FRMD6: variants seen among roughly 807,000 people sequenced by gnomAD.
FRMD6 encodes the protein FERM domain containing 6.
A neutral mutation model predicts 73.2 loss-of-function variants in FRMD6; 37 were observed. The ratio of observed to expected loss-of-function variants is 0.51; its 90% CI spans 0.39 to 0.66. FRMD6 has a LOEUF of 0.66. Among genes scored for constraint, FRMD6 ranks in the 30% least tolerant of loss-of-function variants. The pLI is 0.00. For missense variants in FRMD6, 714 were observed against 780.5 expected (o/e 0.91, Z 1.02); for synonymous variants, 273 against 282.2 (o/e 0.97, Z 0.33).
At chr14:51,690,721 G>C (rs1285686278) in intron 2 of FRMD6, among the ~76,000 whole-genome samples, 1 of 152,104 alleles carries the variant, frequency 6.6e-6, no homozygotes, top group African/African-American at 2.4e-5. Flanking sequence ...TTTATCTTAA[G>C]AGTAGCCAAA....
intron 3 of FRMD6, among the ~76,000 whole-genome samples, chr14:51,700,710 T>A (rs1896255469): frequency 6.6e-6 from 1 of 152,004 alleles, no homozygotes; most frequent in Non-Finnish European, 1.5e-5. Flanking sequence ...AACAAAAGCA[T>A]GTTTTCCTAA....
chr14:51,529,426 T>C (rs1182468108), intron 1 of FRMD6, among the ~76,000 whole-genome samples: 1 of 152,346 alleles, frequency 6.6e-6, no homozygotes, highest in East Asian at 1.9e-4. Context: ...TACAGAAGTG[T>C]TTGCTAATTA....
At chr14:51,661,268 G>T (rs1302459824) in intron 1 of FRMD6, among the ~76,000 whole-genome samples, 1 of 152,158 alleles carries the variant, frequency 6.6e-6, no homozygotes, top group South Asian at 2.1e-4. Context: ...AAGCCTTGGG[G>T]CATATCAGTA....
chr14:51,622,221 G>A (rs1199402714), intron 2 of FRMD6, among the ~76,000 whole-genome samples: 2 of 152,178 alleles, frequency 1.3e-5, no homozygotes, highest in East Asian at 3.9e-4. Context: ...AGAACATCTT[G>A]TAACTCAGCT....
At chr14:51,524,294 A>G (rs1413183781) in intron 1 of FRMD6, among the ~76,000 whole-genome samples, 4 of 152,114 alleles carry the variant, frequency 2.6e-5, no homozygotes, top group Non-Finnish European at 5.9e-5. Context: ...AGATTTTAAA[A>G]TATAATATAT....
chr14:51,516,573 A>G (rs369512140), intron 1 of FRMD6, among the ~76,000 whole-genome samples: 2 of 152,168 alleles, frequency 1.3e-5, no homozygotes, highest in Non-Finnish European at 2.9e-5. Context: ...TCTAGCTGCC[A>G]TTTGTCTATA....
the FRMD6 span, among the ~76,000 whole-genome samples, chr14:51,416,816 G>T: frequency 6.6e-6 from 1 of 152,178 alleles, no homozygotes; most frequent in African/African-American, 2.4e-5. Flanking sequence ...CTAAGGACTT[G>T]CTTTATGAAT....
chr14:51,679,339 A>G (rs955719029), intron 1 of FRMD6, among the ~76,000 whole-genome samples: 1 of 150,892 alleles, frequency 6.6e-6, no homozygotes, highest in Non-Finnish European at 1.5e-5. Flanking sequence ...AATGCATACT[A>G]TATATGTATG....
chr14:51,716,965 A>G (rs992530179), intron 10 of FRMD6, among the ~76,000 whole-genome samples: 2 of 152,168 alleles, frequency 1.3e-5, no homozygotes, highest in African/African-American at 4.8e-5. Flanking sequence ...GATTTGTTCT[A>G]TCAGCTTTCT....
intron 2 of FRMD6, among the ~76,000 whole-genome samples, chr14:51,697,531 AT>A (rs1235897563): frequency 6.6e-6 from 1 of 152,120 alleles, no homozygotes; most frequent in African/African-American, 2.4e-5. Flanking sequence ...AAAAAATACA[AT>A]ATTTCAGTTA....
At chr14:51,445,223 C>T in the FRMD6 span, among the ~76,000 whole-genome samples, 1 of 152,236 alleles carries the variant, frequency 6.6e-6, no homozygotes, top group South Asian at 2.1e-4. Context: ...TTGTTCTATC[C>T]TGGTCTATAG....
intron 2 of FRMD6, among the ~76,000 whole-genome samples, chr14:51,601,014 AAC>A (rs1174141075): frequency 9.8e-5 from 15 of 152,358 alleles, no homozygotes; most frequent in African/African-American, 3.6e-4. Flanking sequence ...CAATTTTTAG[AAC>A]ATAGAGGTAA....
intron 2 of FRMD6, among the ~76,000 whole-genome samples, chr14:51,585,895 T>C (rs867377249): frequency 1.0e-5 from 1 of 97,920 alleles, no homozygotes; most frequent in African/African-American, 3.2e-5. Flanking sequence ...TATTTTATTC[T>C]TTTTATGGCT....
intron 9 of FRMD6, 48 bp downstream of exon 9, chr14:51,712,599 A>C: frequency 1.7e-6 from 2 of 1,165,772 alleles, no homozygotes; most frequent in South Asian, 2.6e-5. Flanking sequence ...TTAATTGCTT[A>C]CTTTTTTGGG....
chr14:51,644,395 ACTCTCT>A (rs71121654), intron 2 of FRMD6, among the ~76,000 whole-genome samples: 37 of 146,314 alleles, frequency 2.5e-4, no homozygotes, highest in Non-Finnish European at 4.2e-4. Context: ...ACACTCACTC[ACTCTCT>A]CTCTCTCTCT....
At chr14:51,468,309 G>T in the FRMD6 span, among the ~76,000 whole-genome samples, 1 of 136,446 alleles carries the variant, frequency 7.3e-6, no homozygotes, top group Non-Finnish European at 1.6e-5. Flanking sequence ...GGGAGAGGGG[G>T]AGGGGGAGGG....
chr14:51,417,039 T>C, the FRMD6 span, among the ~76,000 whole-genome samples: 2 of 152,210 alleles, frequency 1.3e-5, no homozygotes, highest in East Asian at 3.8e-4. Flanking sequence ...ATTTTGAGCC[T>C]ATATGTGTCT....
intron 1 of FRMD6, among the ~76,000 whole-genome samples, chr14:51,654,362 T>C (rs973216766): frequency 1.3e-5 from 2 of 151,982 alleles, no homozygotes; most frequent in Admixed American, 6.5e-5. Context: ...ACTATACTTA[T>C]AAAGCTTTTG....
At chr14:51,653,235 C>G (rs940590878) in intron 1 of FRMD6, among the ~76,000 whole-genome samples, 1 of 152,086 alleles carries the variant, frequency 6.6e-6, no homozygotes, top group Non-Finnish European at 1.5e-5. Flanking sequence ...TCTCTGGGAC[C>G]GGGCAATGTT....
Sources: allele counts gnomAD v4.1 joint callset (sites outside exome capture counted in the v4.1 genomes callset), GRCh38; gene constraint gnomAD v4.1.1; transcripts MANE v1.5; gene names NCBI Gene and HGNC (gene_info 2026-07-23, HGNC 2026-07-21).